The following PCM1 variants were observed in gnomAD, a reference collection of about 807,000 sequenced individuals.
PCM1 encodes the protein pericentriolar material 1.
A neutral mutation model predicts 241.9 loss-of-function variants in PCM1; 157 were observed. The ratio of observed to expected loss-of-function variants is 0.65; its 90% confidence interval spans 0.57 to 0.74. The LOEUF (loss-of-function observed/expected upper bound fraction) is 0.74, where lower values mean the gene tolerates loss of function less well. Ranked by LOEUF, PCM1 falls within the 30% of genes least tolerant of loss-of-function variation. PCM1 has a pLI of 0.00. For synonymous variants in PCM1, 1,085 were observed against 784.9 expected (o/e 1.38, Z -6.39); for missense variants, 3,478 against 2,360.1 (o/e 1.47, Z -9.81).
chr8:17,970,101 C>G (rs1393643327), intron 22 of PCM1, among the ~76,000 whole-genome samples: 8 of 151,828 alleles, frequency 5.3e-5, no homozygotes, highest in Admixed American at 2.0e-4. Flanking sequence ...TTTTTGATTC[C>G]TAGCTCTTGA....
Position 17,938,978 on chromosome 8 carries a change from G to T in PCM1, c.581G>T (p.Gly194Val), listed in dbSNP as rs754767134. The change falls in exon 5 of 39, where the codon GGG becomes GTG. Residue 194 changes from glycine (G) to valine (V), a missense_variant. By Grantham distance (109) the Gly-to-Val change is moderately radical (BLOSUM62 -3). Coordinates refer to ENST00000325083, the MANE Select transcript of PCM1 (RefSeq NM_006197.4). ...LQNCQVSEEDGRGEPAMESSQ... is the reference protein window; with the variant it reads ...LQNCQVSEEDVRGEPAMESSQ... Reference sequence around the variant, plus strand: ...AACTGTCAGGTGTCTGAAGAAGATGGGAGGGGAGAACCTGCAATGGAGAGC... The same window carrying T: ...AACTGTCAGGTGTCTGAAGAAGATGTGAGGGGAGAACCTGCAATGGAGAGC... The T allele has an allele frequency of 5.6e-6, 9 of 1,613,578 alleles. No homozygotes were observed. The South Asian group carries it at 8.8e-5, about 16-fold the overall frequency.
chr8:18,011,373 T>C lies in PCM1; in HGVS notation c.5350+7T>C. ...GGATGTCCAGTGTCTATTAGTAAGT[T>C]TAAAGGCTCTGTACTATCTTTATAC... On this transcript the variant is annotated splice_region_variant and intron_variant, in intron 33 of 38. Transcript: ENST00000325083. 1 of 1,572,552 alleles carries C rather than the reference T, an allele frequency of 6.4e-7. No homozygotes were observed. The highest frequency in any genetic ancestry group is 8.6e-7 in the Non-Finnish European group (1 of 1,165,024).
At chr8:17,967,237 T>C (rs968114362) in intron 21 of PCM1, 67 bp downstream of exon 21, 9 of 1,124,812 alleles carry the variant, frequency 8.0e-6, no homozygotes, top group East Asian at 2.6e-5. Flanking sequence ...AATTTGTCTA[T>C]TGCCTAGATG....
At chr8:17,928,479 C>T (rs1007509776) in intron 2 of PCM1, among the ~76,000 whole-genome samples, 1 of 152,046 alleles carries the variant, frequency 6.6e-6, no homozygotes, top group Admixed American at 6.6e-5. Context: ...TGGTTTTTTT[C>T]AATTAAAGAG....
intron 17 of PCM1, among the ~76,000 whole-genome samples, chr8:17,964,196 A>C (rs547702403): frequency 6.6e-6 from 1 of 152,204 alleles, no homozygotes; most frequent in South Asian, 2.1e-4. Flanking sequence ...ATGTGTACCT[A>C]GTGTCTACTG....
chr8:18,020,548 C>CAT (rs2093669227), intron 36 of PCM1, among the ~76,000 whole-genome samples: 1 of 152,134 alleles, frequency 6.6e-6, no homozygotes. Flanking sequence ...TGTGTGGTAT[C>CAT]ATAACTATTG....
intron 6 of PCM1, among the ~76,000 whole-genome samples, chr8:17,943,798 C>G (rs376244137): frequency 2.0e-5 from 3 of 152,160 alleles, no homozygotes; most frequent in South Asian, 2.1e-4. Flanking sequence ...TCTTACCACC[C>G]CACCCCTGTT....
chr8:17,953,126 A>G lies in PCM1; in HGVS notation c.1228A>G (p.Met410Val), dbSNP rs1586639903. Residue 410 changes from methionine (M) to valine (V), a missense_variant, in exon 9 of 39, where the codon ATG (methionine) becomes GTG (valine). Coordinates refer to ENST00000325083, the MANE Select transcript of PCM1 (RefSeq NM_006197.4). ...MRVLQEKKQK[M>V]DKLLGELHTL... ...AGTGCTACAGGAAAAGAAACAAAAA[A>G]TGGACAAATTGCTTGGAGAACTTCA... The G allele has an allele frequency of 6.3e-7, 1 of 1,595,144 alleles. No individual in the cohort carries two copies. Among genetic ancestry groups the G allele is most frequent in the Non-Finnish European group, 8.5e-7 (1 of 1,169,968 alleles).
rs2074111418 is a variant in PCM1 at position 17,964,686 on chromosome 8, G to A, written c.2773G>A (p.Ala925Thr). 1 of 1,613,760 alleles carries A rather than the reference G, an allele frequency of 6.2e-7. No individual in the cohort carries two copies. Among genetic ancestry groups the A allele is most frequent in the Non-Finnish European group, 8.5e-7 (1 of 1,179,792 alleles). Residue 925 changes from alanine (A) to threonine (T), a missense_variant, in exon 18 of 39, where the codon GCC becomes ACC. Transcript: ENST00000325083. ...TDEEEEEEQD[A>T]SSNDNFSVCP... ...TGAAGAGGAGGAAGAAGAGCAAGAT[G>A]CCAGTTCCAATGATAACTTTTCTGT...
chr8:17,946,155 G>C (rs1440304816), intron 6 of PCM1, among the ~76,000 whole-genome samples: 1 of 151,892 alleles, frequency 6.6e-6, no homozygotes, highest in South Asian at 2.1e-4. Context: ...TTTTTTGTAA[G>C]TGCCACTTAT....
At chr8:17,925,251 C>A (rs750806898) in intron 2 of PCM1, 3 of 152,040 alleles carry the variant, frequency 2.0e-5, no homozygotes, top group Non-Finnish European at 2.9e-5. Flanking sequence ...TCTCCCTTTC[C>A]TGGTATAAAG....
chr8:17,956,605 A>G lies in PCM1; in HGVS notation c.1474A>G (p.Lys492Glu), dbSNP rs1246362234. 6.4e-7 allele frequency: 1 copy of G among 1,569,588 alleles called. No homozygotes were observed. Among genetic ancestry groups the G allele is most frequent in the South Asian group, 1.2e-5 (1 of 85,226 alleles). ...GHLNPSEKLQ[K>E]LNEVRKRLNE... The stretch of plus-strand genomic sequence containing the variant: ...ATACATAAATTTTTTGTTTATCAGG[A>G]AGTTAAATGAAGTTCGAAAGAGATT... The change falls in exon 11 of 39, where the codon AAG (lysine) becomes GAG (glutamate). Residue 492 changes from lysine (K) to glutamate (E), a missense_variant and splice_region_variant. Transcript: ENST00000325083.
At position 17,938,768 on chromosome 8, in the gene PCM1, G is replaced by C. The variant is rs1273713245; in HGVS notation, c.371G>C (p.Arg124Thr). 1 of 1,612,132 alleles carries C rather than the reference G, an allele frequency of 6.2e-7. No homozygotes were observed. Among genetic ancestry groups the C allele is most frequent in the Admixed American group, 1.7e-5 (1 of 60,022 alleles). ...AGCATTGGAAGTGATTCCCAAGGTA[G>C]AGCAACAGCTGCTAACAACAAACGT... ...QRSIGSDSQG[R>T]ATAANNKRQL... Residue 124 changes from arginine to threonine, a missense_variant, in exon 5 of 39, where the codon AGA becomes ACA. Physicochemically the swap from Arg to Thr is moderately conservative, Grantham distance 71. Transcript: ENST00000325083.
intron 6 of PCM1, among the ~76,000 whole-genome samples, chr8:17,943,463 CCTT>C (rs2062824134): frequency 6.6e-6 from 1 of 152,076 alleles, no homozygotes; most frequent in Non-Finnish European, 1.5e-5. Context: ...TCTCTTTAAT[CCTT>C]CTGAATAGTG....
chr8:18,008,201 G>A (rs763459449), intron 30 of PCM1, among the ~76,000 whole-genome samples: 5 of 152,036 alleles, frequency 3.3e-5, no homozygotes, highest in South Asian at 2.1e-4. Context: ...TCTCATTACC[G>A]CCTGAGCTCC....
At chr8:18,008,337 C>G (rs2091879057) in intron 30 of PCM1, among the ~76,000 whole-genome samples, 1 of 151,728 alleles carries the variant, frequency 6.6e-6, no homozygotes, top group Admixed American at 6.6e-5. Context: ...CTGTCACTGT[C>G]TCCCATCACC....
chr8:18,000,729 C>G (rs1318557834), intron 29 of PCM1, among the ~76,000 whole-genome samples: 2 of 152,112 alleles, frequency 1.3e-5, no homozygotes, highest in East Asian at 1.9e-4. Flanking sequence ...TCAAGCGATT[C>G]TCCCACCTCA....
intron 6 of PCM1, among the ~76,000 whole-genome samples, chr8:17,942,878 T>A (rs564531555): frequency 5.9e-5 from 9 of 151,968 alleles, no homozygotes; most frequent in South Asian, 2.1e-4. Context: ...GCACCTGTAA[T>A]CTCAGCTACT....
At chr8:17,923,863 G>A (rs1465400178) in intron 1 of PCM1, among the ~76,000 whole-genome samples, 1 of 152,190 alleles carries the variant, frequency 6.6e-6, no homozygotes, top group Non-Finnish European at 1.5e-5. Flanking sequence ...TAAATGCCAA[G>A]TGGGACTGGG....
Sources: gnomAD v4.1 joint callset for allele counts (sites outside exome capture counted in the v4.1 genomes callset) on GRCh38, gnomAD v4.1.1 for gene constraint, MANE v1.5 for transcripts, NCBI Gene and HGNC (gene_info 2026-07-23, HGNC 2026-07-21) for gene names.